The following GALNT13 variants were observed in gnomAD, a reference collection of about 807,000 sequenced individuals.
GALNT13 encodes the protein polypeptide N-acetylgalactosaminyltransferase 13, also known as UDP-GalNAc:polypeptide N-acetylgalactosaminyltransferase 13.
Under a neutral mutation model 64.2 loss-of-function variants are expected in GALNT13, and 28 were observed. The ratio of observed to expected loss-of-function variants is 0.44; its 90% confidence interval spans 0.32 to 0.60. GALNT13 has a LOEUF of 0.60. Ranked by LOEUF, GALNT13 falls within the 20% of genes least tolerant of loss-of-function variation. GALNT13 has a pLI of 0.05. For missense variants in GALNT13, 577 were observed against 669.8 expected, an observed-to-expected ratio of 0.86 and a Z score of 1.53; for synonymous variants, 214 against 224.6, an observed-to-expected ratio of 0.95 and a Z score of 0.42.
intron 3 of GALNT13, among the ~76,000 whole-genome samples, chr2:154,136,295 G>A (rs1370689730): frequency 6.6e-6 from 1 of 152,112 alleles, no homozygotes; most frequent in Non-Finnish European, 1.5e-5. Context: ...TTGATTCAAT[G>A]TTATGCTTGT....
chr2:153,410,262 G>T, the GALNT13 span, among the ~76,000 whole-genome samples: 1 of 151,698 alleles, frequency 6.6e-6, no homozygotes, highest in Non-Finnish European at 1.5e-5. Context: ...TTTTTTAGGG[G>T]GGGTGGGGTA....
the GALNT13 span, among the ~76,000 whole-genome samples, chr2:153,186,686 C>T: frequency 3.4e-4 from 51 of 152,152 alleles, no homozygotes; most frequent in African/African-American, 1.1e-3. Flanking sequence ...CCTGCCTCAG[C>T]CTCCGGAGTG....
chr2:153,808,477 C>A, the GALNT13 span, among the ~76,000 whole-genome samples: 1 of 152,152 alleles, frequency 6.6e-6, no homozygotes, highest in Middle Eastern at 3.4e-3. Context: ...TTTTTGCTGT[C>A]ATCTAATCTC....
At chr2:153,320,684 A>C in the GALNT13 span, among the ~76,000 whole-genome samples, 3 of 152,220 alleles carry the variant, frequency 2.0e-5, no homozygotes, top group Non-Finnish European at 4.4e-5. Context: ...GGAAATTCTA[A>C]TTTAAAATTC....
intron 4 of GALNT13, among the ~76,000 whole-genome samples, chr2:154,218,724 A>G (rs1474529652): frequency 6.6e-6 from 1 of 151,970 alleles, no homozygotes; most frequent in East Asian, 1.9e-4. Context: ...TTACGTTTCA[A>G]GCTCCTCCAT....
the GALNT13 span, among the ~76,000 whole-genome samples, chr2:153,654,644 A>G: frequency 1.2e-4 from 19 of 152,124 alleles, no homozygotes; most frequent in Non-Finnish European, 2.8e-4. Flanking sequence ...AATAATAACA[A>G]TACAGCAATT....
At chr2:153,433,003 C>T in the GALNT13 span, among the ~76,000 whole-genome samples, 1 of 151,980 alleles carries the variant, frequency 6.6e-6, no homozygotes, top group Non-Finnish European at 1.5e-5. Flanking sequence ...CGTGCACACA[C>T]ACACAGGCAT....
chr2:153,180,864 T>C, the GALNT13 span, among the ~76,000 whole-genome samples: 2 of 151,922 alleles, frequency 1.3e-5, no homozygotes, highest in East Asian at 1.9e-4. Context: ...ATCCTAGGTA[T>C]TTCTGTAGTA....
intron 12 of GALNT13, among the ~76,000 whole-genome samples, chr2:154,449,058 T>A (rs1443944714): frequency 6.6e-6 from 1 of 152,036 alleles, no homozygotes; most frequent in Non-Finnish European, 1.5e-5. Context: ...GGCTACTGGT[T>A]GAATTTCTGG....
At chr2:154,414,833 A>G (rs1396324030) in intron 11 of GALNT13, among the ~76,000 whole-genome samples, 3 of 151,924 alleles carry the variant, frequency 2.0e-5, no homozygotes, top group Non-Finnish European at 4.4e-5. Context: ...ATTAAAACCA[A>G]TGTTTGCCTT....
At chr2:153,978,024 C>G (rs560079038) in intron 3 of GALNT13, among the ~76,000 whole-genome samples, 3 of 152,166 alleles carry the variant, frequency 2.0e-5, no homozygotes, top group Admixed American at 2.0e-4. Flanking sequence ...CCTCAGCTAT[C>G]ACCTAGAAAA....
intron 3 of GALNT13, among the ~76,000 whole-genome samples, chr2:154,105,416 A>G (rs1205843315): frequency 6.6e-6 from 1 of 152,162 alleles, no homozygotes; most frequent in Non-Finnish European, 1.5e-5. Context: ...ATATGTTTAT[A>G]TACATAAATG....
the GALNT13 span, among the ~76,000 whole-genome samples, chr2:153,585,428 A>C: frequency 6.6e-6 from 1 of 152,204 alleles, no homozygotes; most frequent in Non-Finnish European, 1.5e-5. Context: ...GACATTTTGA[A>C]CTATGTTGGT....
At chr2:153,213,414 G>T in the GALNT13 span, among the ~76,000 whole-genome samples, 1 of 152,160 alleles carries the variant, frequency 6.6e-6, no homozygotes, top group Non-Finnish European at 1.5e-5. Context: ...AAAACAAATT[G>T]CCCTCTGCCT....
chr2:153,257,220 T>TTG, the GALNT13 span, among the ~76,000 whole-genome samples: 3 of 152,270 alleles, frequency 2.0e-5, no homozygotes, highest in South Asian at 6.2e-4. Flanking sequence ...ATTTTCCAGG[T>TTG]GCCGTCTGTC....
At chr2:153,174,009 G>A in the GALNT13 span, among the ~76,000 whole-genome samples, 1 of 152,144 alleles carries the variant, frequency 6.6e-6, no homozygotes, top group African/African-American at 2.4e-5. Flanking sequence ...ACTTAGCAGG[G>A]CAAATTTTAT....
intron 11 of GALNT13, among the ~76,000 whole-genome samples, chr2:154,424,626 G>A (rs1380400894): frequency 2.0e-5 from 3 of 152,120 alleles, no homozygotes; most frequent in African/African-American, 7.2e-5. Context: ...GGCAGATGAT[G>A]TATAAATATC....
chr2:153,980,426 T>A (rs1441219817), intron 3 of GALNT13, among the ~76,000 whole-genome samples: 1 of 152,022 alleles, frequency 6.6e-6, no homozygotes, highest in Non-Finnish European at 1.5e-5. Context: ...GTAGCCTAAA[T>A]AAAGTTAGTG....
the GALNT13 span, among the ~76,000 whole-genome samples, chr2:153,134,052 GCT>G: frequency 1.3e-5 from 2 of 152,124 alleles, no homozygotes; most frequent in Non-Finnish European, 2.9e-5. Context: ...TCTTTTCACA[GCT>G]CTCTCTTCAT....
Sources: gnomAD v4.1 joint callset for allele counts (sites outside exome capture counted in the v4.1 genomes callset) on GRCh38, gnomAD v4.1.1 for gene constraint, MANE v1.5 for transcripts, NCBI Gene and HGNC (gene_info 2026-07-23, HGNC 2026-07-21) for gene names.